Variants in SOCS7 observed in about 807,000 individuals in gnomAD.
SOCS7 encodes the protein suppressor of cytokine signaling 7.
In SOCS7, 18 loss-of-function variants were observed where a neutral mutation model predicts 58.9. That is an observed-to-expected ratio of 0.31 (90% CI 0.21 to 0.45). SOCS7 has a LOEUF of 0.45. Ranked by LOEUF, SOCS7 falls within the 20% of genes least tolerant of loss-of-function variation. The pLI, the probability that SOCS7 is intolerant of heterozygous loss-of-function variation, is 1.00. For missense variants in SOCS7, 667 were observed against 837.3 expected (o/e 0.80, Z 2.51); for synonymous variants, 388 against 364.3 (o/e 1.06, Z -0.74).
At chr17:38,357,907 A>G (rs763161692) in intron 1 of SOCS7, among the ~76,000 whole-genome samples, 3 of 152,230 alleles carry the variant, frequency 2.0e-5, no homozygotes, top group Non-Finnish European at 4.4e-5. Context: ...CAATGGTTAC[A>G]TCTATGTGTT....
chr17:38,396,265 C>G (rs2038244124), intron 9 of SOCS7, among the ~76,000 whole-genome samples: 2 of 152,178 alleles, frequency 1.3e-5, no homozygotes, highest in South Asian at 4.2e-4. Flanking sequence ...AGGGGGACAC[C>G]CAAGTGTAGC....
At chr17:38,368,140 T>G (rs1204020760) in intron 6 of SOCS7, 90 bp downstream of exon 6, 8 of 1,197,326 alleles carry the variant, frequency 6.7e-6, no homozygotes, top group Non-Finnish European at 9.4e-6. Context: ...TTCATAGGAA[T>G]GGAACTACAA....
intron 7 of SOCS7, among the ~76,000 whole-genome samples, chr17:38,389,861 G>GTGTGTGTATATATATATATA (rs2038128606): frequency 1.3e-3 from 3 of 2,374 alleles, no homozygotes; most frequent in Non-Finnish European, 3.9e-3. Context: ...TGGTGTGTAT[G>GTGTGTGTATATATATATATA]TGTGTACATA....
rs1323028000 is a variant in SOCS7, at chr17:38,352,823, T to C, written c.771T>C (p.Pro257=). The C allele has an allele frequency of 6.4e-7, 1 of 1,562,666 alleles. No homozygotes were observed. The change falls in exon 1 of 10, where the codon CCT becomes CCC. Residue 257 remains proline, a synonymous_variant. Transcript: ENST00000612932. This position sits in a 1 kb window ranked among gnomAD's most constrained non-coding sequence, Gnocchi z 5.5. ...AGCAGCAACCTCCCCCGCCCCCGCC[T>C]CCTCCCGGGCCCCTCCGGCCACTCG... ...QQQQQPPPPP[P]PPGPLRPLAG... is the part of the protein sequence containing the mutation.
intron 7 of SOCS7, 63 bp from the exon 8 acceptor site, chr17:38,395,246 C>G: frequency 6.4e-7 from 1 of 1,570,278 alleles, no homozygotes; most frequent in Non-Finnish European, 8.7e-7. Context: ...TCTCTTCATA[C>G]AAGAAATGGT....
chr17:38,378,997 A>G (rs1597700288), intron 7 of SOCS7, among the ~76,000 whole-genome samples: 1 of 151,850 alleles, frequency 6.6e-6, no homozygotes, highest in Middle Eastern at 3.4e-3. Flanking sequence ...GTCTCTACAA[A>G]ATACACAAAA....
In SOCS7 at chr17:38,351,874, G is replaced by T. The variant is rs1269265074; in HGVS notation, c.-179G>T. 6.6e-6 allele frequency among the ~76,000 whole-genome samples: 1 copy of T among 151,614 alleles called. No homozygotes were observed. The highest frequency in any genetic ancestry group is 2.0e-4 in the East Asian group (1 of 5,120). ...GGGGGCGGTGCTCGGCGGTGGCGGAGCGCGGCCTGGGCTCGCGCTGGGCTC... is the reference window on the plus strand; with the variant it reads ...GGGGGCGGTGCTCGGCGGTGGCGGATCGCGGCCTGGGCTCGCGCTGGGCTC... On this transcript the variant is annotated 5_prime_UTR_variant, in exon 1 of 10. Coordinates refer to ENST00000612932, the MANE Select transcript of SOCS7 (RefSeq NM_014598.4).
At chr17:38,383,189 C>G (rs1023208082) in intron 7 of SOCS7, among the ~76,000 whole-genome samples, 3 of 152,174 alleles carry the variant, frequency 2.0e-5, no homozygotes, top group African/African-American at 7.2e-5. Flanking sequence ...TGAACTGAAC[C>G]TCTCTTGCCT....
chr17:38,356,402 G>A (rs1327533187), intron 1 of SOCS7, among the ~76,000 whole-genome samples: 1 of 151,424 alleles, frequency 6.6e-6, no homozygotes, highest in Non-Finnish European at 1.5e-5. Flanking sequence ...CGGGGGGATG[G>A]AGTCTCACTC....
intron 3 of SOCS7, among the ~76,000 whole-genome samples, 170 bp downstream of exon 3, chr17:38,365,026 C>T (rs1211125138): frequency 6.6e-6 from 1 of 152,186 alleles, no homozygotes; most frequent in Non-Finnish European, 1.5e-5. Flanking sequence ...TGGGTCTCAC[C>T]CGCATGCTGT....
intron 7 of SOCS7, among the ~76,000 whole-genome samples, chr17:38,389,886 C>CATATATAT (rs1237921307): frequency 2.4e-5 from 2 of 83,352 alleles, no homozygotes; most frequent in African/African-American, 7.0e-5. Context: ...TATATATGTA[C>CATATATAT]ATATATATAT....
intron 9 of SOCS7, among the ~76,000 whole-genome samples, chr17:38,397,813 T>A (rs1283358102): frequency 1.3e-5 from 2 of 151,924 alleles, no homozygotes; most frequent in Non-Finnish European, 2.9e-5. Flanking sequence ...GACTGTACAG[T>A]GTTGTGAGGA....
intron 7 of SOCS7, among the ~76,000 whole-genome samples, chr17:38,393,264 G>T (rs971109511): frequency 1.3e-5 from 2 of 151,964 alleles, no homozygotes; most frequent in African/African-American, 4.8e-5. Context: ...AAAGTATGTT[G>T]TCAGTGATCA....
chr17:38,371,182 C>G (rs558007066), intron 6 of SOCS7, among the ~76,000 whole-genome samples: 16 of 151,992 alleles, frequency 1.1e-4, no homozygotes, highest in Non-Finnish European at 1.3e-4. Context: ...GCCACGATCT[C>G]GGCTCACTGC....
chr17:38,389,868 C>CACATATAT (rs2038135271), intron 7 of SOCS7, among the ~76,000 whole-genome samples: 4 of 18,624 alleles, frequency 2.1e-4, no homozygotes, highest in Non-Finnish European at 4.2e-4. Flanking sequence ...TATGTGTGTA[C>CACATATAT]ATATATATAT....
intron 7 of SOCS7, among the ~76,000 whole-genome samples, chr17:38,389,906 TAGAG>T (rs772399580): frequency 0.042 from 4,361 of 103,378 alleles, 274 homozygotes; most frequent in Middle Eastern, 0.19. Context: ...TATACACATA[TAGAG>T]AGAGAGAGAG....
Position 38,352,415 on chromosome 17 carries a change from G to A in SOCS7, c.363G>A (p.Glu121=), listed in dbSNP as rs750038386. 131 of 1,448,478 alleles carry A rather than the reference G, an allele frequency of 9.0e-5. 1 individual carries two copies. In the African/African-American group the frequency reaches 1.7e-3, roughly 18 times the overall value. The allele number at this position is 1,448,478 out of a possible 1,614,324, so 89.7% of individuals were successfully genotyped here. The change falls in exon 1 of 10, where the codon GAG becomes GAA. Residue 121 remains glutamate, a synonymous_variant. Transcript: ENST00000612932. The surrounding 1 kb of genome is among the most constrained non-coding windows in gnomAD (Gnocchi z 5.5). ...ERTWGPAAGL[E]AQLAALGLGQ... ...CCTGGGGCCCGGCGGCTGGACTAGA[G>A]GCGCAGTTGGCGGCTCTGGGGCTCG...
rs77617434 is a variant in SOCS7, at chr17:38,378,570, A to G, written c.1681+728A>G. On this transcript the variant is annotated intron_variant, in intron 7 of 9. Coordinates refer to ENST00000612932, the MANE Select transcript of SOCS7 (RefSeq NM_014598.4). Reference sequence around the variant, plus strand: ...AGTTGCACATTGCACTCTGTTAGGAAGTATCTGCTGTGGGTTTGCCCATGT... The same window carrying G: ...AGTTGCACATTGCACTCTGTTAGGAGGTATCTGCTGTGGGTTTGCCCATGT... Among the ~76,000 whole-genome samples the G allele has an allele frequency of 4.2e-3, 642 of 152,320 alleles. 4 individuals are homozygous for G. The highest frequency in any genetic ancestry group is 7.3e-3 in the Non-Finnish European group (498 of 68,028).
At position 38,370,433 on chromosome 17, in the gene SOCS7, A is replaced by G. The variant is rs1567741210; in HGVS notation, c.1552+2383A>G. Among the ~76,000 whole-genome samples the G allele has an allele frequency of 2.6e-5, 4 of 151,930 alleles. No individual in the cohort carries two copies. The South Asian group carries it at 6.2e-4, about 24-fold the overall frequency. The stretch of plus-strand genomic sequence containing the variant: ...TGCCTCGTCGTAGCCTCAACCTCCC[A>G]GGCTCAAGTGATCCTCCTATCTCAG... On this transcript the variant is annotated intron_variant, in intron 6 of 9. Coordinates refer to ENST00000612932, the MANE Select transcript of SOCS7 (RefSeq NM_014598.4).
Sources: allele counts gnomAD v4.1 joint callset (sites outside exome capture counted in the v4.1 genomes callset), GRCh38; gene constraint gnomAD v4.1.1; non-coding constraint Gnocchi (gnomAD v3.1); transcripts MANE v1.5; gene names NCBI Gene and HGNC (gene_info 2026-07-23, HGNC 2026-07-21).